Variants in CHM observed in about 807,000 individuals in gnomAD.
The protein encoded by CHM is CHM Rab escort protein.
In CHM, 10 loss-of-function variants were observed where a neutral mutation model predicts 49.0. The ratio of observed to expected loss-of-function variants is 0.20; its 90% confidence interval spans 0.13 to 0.35. The LOEUF is 0.35. Among genes scored for constraint, CHM ranks in the 10% least tolerant of loss-of-function variants. CHM has a pLI of 1.00. For synonymous variants in CHM, 184 were observed against 167.5 expected, an observed-to-expected ratio of 1.10 and a Z score of -0.76; for missense variants, 455 against 478.4, an observed-to-expected ratio of 0.95 and a Z score of 0.46.
intron 9 of CHM, among the ~76,000 whole-genome samples, chrX:85,905,933 C>A (rs1478927253): frequency 8.9e-6 from 1 of 111,766 alleles, no homozygotes; most frequent in Non-Finnish European, 1.9e-5. Flanking sequence ...GGGGCCAGAT[C>A]TGCATACCGA....
intron 10 of CHM, 104 bp downstream of exon 10, chrX:85,900,980 A>G: frequency 1.7e-6 from 1 of 586,157 alleles, no homozygotes; most frequent in East Asian, 3.6e-5. Flanking sequence ...GATATTGAAT[A>G]TATCTTTGGT....
intron 14 of CHM, among the ~76,000 whole-genome samples, chrX:85,866,223 GGTA>G (rs1923682266): frequency 8.9e-6 from 1 of 112,187 alleles, no homozygotes; most frequent in South Asian, 3.7e-4. Flanking sequence ...CCTGGAACAT[GGTA>G]CCCTACATCC....
At chrX:86,014,992 C>T (rs781236661) in intron 2 of CHM, among the ~76,000 whole-genome samples, 1 of 111,510 alleles carries the variant, frequency 9.0e-6, no homozygotes, top group Non-Finnish European at 1.9e-5. Flanking sequence ...GAGGGGTGGG[C>T]CTTGCATTGC....
At chrX:85,982,114 A>T (rs1401050313) in intron 2 of CHM, among the ~76,000 whole-genome samples, 1 of 112,059 alleles carries the variant, frequency 8.9e-6, no homozygotes, top group Non-Finnish European at 1.9e-5. Context: ...AGCAGGTAAC[A>T]TGAATATATA....
chrX:85,972,038 A>T (rs992506064), intron 4 of CHM, among the ~76,000 whole-genome samples: 1 of 110,821 alleles, frequency 9.0e-6, no homozygotes, highest in African/African-American at 3.3e-5. Flanking sequence ...CCACCAGAGC[A>T]GCTAGATACA....
In CHM at chrX:85,963,826, G is replaced by A; in HGVS notation, c.541C>T (p.His181Tyr). 8.3e-7 allele frequency: 1 copy of A among 1,211,470 alleles called. No individual in the cohort carries two copies. Among genetic ancestry groups the A allele is most frequent in the Non-Finnish European group, 1.1e-6 (1 of 895,415 alleles). ...GAEVTGEKEN[H>Y]CDDKTCVPST... Reference sequence around the variant, plus strand: ...GGCACACAAGTTTTATCATCACAATGGTTTTCTTTTTCCCCTGTCACTTCA... The same window carrying A: ...GGCACACAAGTTTTATCATCACAATAGTTTTCTTTTTCCCCTGTCACTTCA... Residue 181 changes from histidine to tyrosine, a missense_variant, in exon 5 of 15, where the codon CAT (histidine) becomes TAT (tyrosine). Physicochemically the swap from His to Tyr is moderately conservative, Grantham distance 83. Transcript: ENST00000357749.
chrX:86,023,931 T>C (rs1283406710), intron 2 of CHM, among the ~76,000 whole-genome samples: 1 of 111,762 alleles, frequency 8.9e-6, no homozygotes, highest in African/African-American at 3.3e-5. Context: ...AGACCTATGA[T>C]GTAAGGGCTT....
At chrX:85,986,115 T>G (rs1931891562) in intron 2 of CHM, among the ~76,000 whole-genome samples, 1 of 110,928 alleles carries the variant, frequency 9.0e-6, no homozygotes, top group Non-Finnish European at 1.9e-5. Context: ...CCATTTCCCA[T>G]AGGTCACACC....
intron 2 of CHM, among the ~76,000 whole-genome samples, chrX:86,000,513 CAAA>C (rs754600557): frequency 1.7e-5 from 1 of 58,871 alleles, no homozygotes; most frequent in Non-Finnish European, 3.0e-5. Context: ...GGAATATATT[CAAA>C]AAAAAAAAAA....
Position 85,900,577 on chromosome X carries a change from CAT to C in CHM, c.1413+67_1413+68del, listed in dbSNP as rs1379234256. On this transcript the variant is annotated intron_variant, in intron 11 of 14. Coordinates refer to ENST00000357749, the MANE Select transcript of CHM (RefSeq NM_000390.4). ...AGCTTGAGTGTAGTGATTAGTTCAC[CAT>C]GTATATATATACCGAAACATCTTCA... The C allele has an allele frequency of 7.7e-6, 5 of 649,105 alleles. No homozygotes were observed. In the African/African-American group the frequency reaches 8.7e-5, roughly 11 times the overall value. The allele number at this position is 649,105 out of a possible 1,213,427, so 53.5% of individuals were successfully genotyped here.
chrX:85,934,882 T>C (rs1928690536), intron 8 of CHM, among the ~76,000 whole-genome samples: 1 of 111,796 alleles, frequency 8.9e-6, no homozygotes, highest in Non-Finnish European at 1.9e-5. Context: ...ATCAAACTGT[T>C]TACATACAGA....
chrX:85,979,358 T>C (rs749971751), intron 3 of CHM, among the ~76,000 whole-genome samples: 5 of 111,508 alleles, frequency 4.5e-5, no homozygotes, highest in Non-Finnish European at 7.5e-5. Context: ...TCGCTAGTCA[T>C]ATCAAATTTT....
At chrX:85,885,821 TG>T (rs1925052306) in intron 12 of CHM, among the ~76,000 whole-genome samples, 1 of 111,637 alleles carries the variant, frequency 9.0e-6, no homozygotes, top group Non-Finnish European at 1.9e-5. Context: ...ATTACATGTC[TG>T]TCACTTATAC....
intron 11 of CHM, among the ~76,000 whole-genome samples, chrX:85,895,345 T>G (rs1212857793): frequency 9.2e-6 from 1 of 108,622 alleles, no homozygotes; most frequent in Non-Finnish European, 1.9e-5. Flanking sequence ...GGCTTCACCA[T>G]GTTGGCCAGG....
intron 2 of CHM, among the ~76,000 whole-genome samples, chrX:86,019,354 C>CA (rs1320323896): frequency 9.1e-6 from 1 of 110,147 alleles, no homozygotes; most frequent in Non-Finnish European, 1.9e-5. Flanking sequence ...TTATATTAAG[C>CA]AAAAAAGAAG....
intron 2 of CHM, among the ~76,000 whole-genome samples, chrX:85,985,091 A>C (rs753396649): frequency 1.8e-5 from 2 of 112,034 alleles, no homozygotes; most frequent in African/African-American, 6.5e-5. Context: ...CTCACAGGAT[A>C]AGAACCACTG....
intron 5 of CHM, 61 bp from the exon 6 acceptor site, chrX:85,959,038 T>C (rs1325883471): frequency 8.7e-7 from 1 of 1,146,986 alleles, no homozygotes; most frequent in African/African-American, 1.8e-5. Flanking sequence ...TGGAAAACAA[T>C]AAAGATACAT....
At chrX:86,005,003 A>G (rs1932822754) in intron 2 of CHM, among the ~76,000 whole-genome samples, 1 of 112,269 alleles carries the variant, frequency 8.9e-6, no homozygotes, top group Non-Finnish European at 1.9e-5. Context: ...AATTGACCAC[A>G]TAATTGGAAG....
At chrX:85,917,464 G>GA (rs2073960945) in intron 8 of CHM, among the ~76,000 whole-genome samples, 1 of 111,204 alleles carries the variant, frequency 9.0e-6, no homozygotes, top group Admixed American at 9.6e-5. Flanking sequence ...TTTTAAAAAA[G>GA]AAAAAAACAA....
Sources: gnomAD v4.1 joint callset for allele counts (sites outside exome capture counted in the v4.1 genomes callset) on GRCh38, gnomAD v4.1.1 for gene constraint, MANE v1.5 for transcripts, NCBI Gene and HGNC (gene_info 2026-07-23, HGNC 2026-07-21) for gene names.